CPM: variants seen among roughly 807,000 people sequenced by gnomAD.
The protein encoded by CPM is renal carboxypeptidase.
In CPM, 35 loss-of-function variants were observed where a neutral mutation model predicts 46.4. The observed-to-expected ratio is 0.75, with a 90% CI of 0.58 to 1.00. The LOEUF is 1.00. CPM is among the 50% of genes least tolerant of loss of function. The pLI, the probability that CPM is intolerant of heterozygous loss-of-function variation, is 0.00. For synonymous variants in CPM, 195 were observed against 195.3 expected, an observed-to-expected ratio of 1.00 and a Z score of 0.01; for missense variants, 422 against 530.4, an observed-to-expected ratio of 0.80 and a Z score of 2.01.
At chr12:68,881,588 TA>T (rs1802717957) in intron 3 of CPM, among the ~76,000 whole-genome samples, 1 of 152,180 alleles carries the variant, frequency 6.6e-6, no homozygotes, top group African/African-American at 2.4e-5. Context: ...TCTCTTTTGG[TA>T]AAAGTACATG....
chr12:68,866,630 C>A (rs2136226131), intron 7 of CPM, among the ~76,000 whole-genome samples: 1 of 152,338 alleles, frequency 6.6e-6, no homozygotes, highest in Admixed American at 6.5e-5. Flanking sequence ...AGGCATGAGC[C>A]ACCACGACCA....
chr12:68,890,719 T>C (rs1484544458), intron 2 of CPM, among the ~76,000 whole-genome samples: 1 of 152,370 alleles, frequency 6.6e-6, no homozygotes, highest in East Asian at 1.9e-4. Context: ...CTATGACTGA[T>C]TACAGAACAA....
chr12:68,950,634 T>A (rs1301864411), intron 1 of CPM, among the ~76,000 whole-genome samples: 1 of 152,222 alleles, frequency 6.6e-6, no homozygotes, highest in Non-Finnish European at 1.5e-5. Flanking sequence ...GCTTCTCTGC[T>A]GGCTCACCTG....
intron 2 of CPM, among the ~76,000 whole-genome samples, chr12:68,888,060 C>A (rs1288377130): frequency 6.6e-6 from 1 of 152,172 alleles, no homozygotes; most frequent in African/African-American, 2.4e-5. Flanking sequence ...CATGAGTGAG[C>A]TGTTATACCT....
At chr12:68,932,083 A>G (rs1375372066) in intron 2 of CPM, among the ~76,000 whole-genome samples, 4 of 152,248 alleles carry the variant, frequency 2.6e-5, no homozygotes, top group Non-Finnish European at 5.9e-5. Flanking sequence ...TAATCATAGA[A>G]CCACTTTTTT....
At chr12:68,944,833 T>C (rs576618121) in intron 1 of CPM, among the ~76,000 whole-genome samples, 59 of 152,086 alleles carry the variant, frequency 3.9e-4, no homozygotes, top group African/African-American at 1.4e-3. Flanking sequence ...TAAAGATAGT[T>C]TGGTGGGCGG....
intron 1 of CPM, among the ~76,000 whole-genome samples, chr12:68,948,761 T>C (rs1888887771): frequency 6.6e-6 from 1 of 152,166 alleles, no homozygotes. Context: ...CTGAAATTGC[T>C]CCAGAAGTAA....
rs1400967991 is a variant in CPM at position 68,957,854 on chromosome 12, CT to C, written c.-4+5314del. Among the ~76,000 whole-genome samples, 4 of 151,126 alleles carry C rather than the reference CT, an allele frequency of 2.6e-5. No individual in the cohort carries two copies. The East Asian group carries it at 5.8e-4, about 22-fold the overall frequency. ...TGTCCCTCCCCCAGCCACCCACCCCCTGACAGGCCCCAGTGTGTGATGTTCC... is the reference window on the plus strand; with the variant it reads ...TGTCCCTCCCCCAGCCACCCACCCCCGACAGGCCCCAGTGTGTGATGTTCC... On this transcript the variant is annotated intron_variant, in intron 1 of 8. Coordinates refer to the CPM transcript ENST00000546373.
intron 6 of CPM, among the ~76,000 whole-genome samples, chr12:68,867,761 C>G (rs1292016609): frequency 1.3e-5 from 2 of 152,196 alleles, no homozygotes; most frequent in Non-Finnish European, 2.9e-5. Flanking sequence ...AACGGCCCGG[C>G]CCCCTGTGGA....
In CPM at chr12:68,869,322, C is replaced by T. The variant is rs1885588648; in HGVS notation, c.787+3G>A. ...AGAATGGAAGAAATGAAGAGAAACT[C>T]ACCTTGGAGTGGATACCAAGAGTAT... On this transcript the variant is annotated splice_donor_region_variant and intron_variant, in intron 6 of 8. Coordinates refer to ENST00000551568, the MANE Select transcript of CPM (RefSeq NM_198320.5). The T allele has an allele frequency of 6.2e-7, 1 of 1,609,562 alleles. No individual in the cohort carries two copies. Among genetic ancestry groups the T allele is most frequent in the Admixed American group, 1.7e-5 (1 of 58,240 alleles).
intron 8 of CPM, among the ~76,000 whole-genome samples, chr12:68,857,272 T>C (rs1885021017): frequency 6.6e-6 from 1 of 151,966 alleles, no homozygotes; most frequent in African/African-American, 2.4e-5. Flanking sequence ...GCGATTCTCC[T>C]ACCTCAGCCT....
chr12:68,952,760 G>A (rs1338883257), intron 1 of CPM, among the ~76,000 whole-genome samples: 1 of 152,230 alleles, frequency 6.6e-6, no homozygotes, highest in African/African-American at 2.4e-5. Context: ...GGAAGATGGA[G>A]GACAGGGCAT....
intron 2 of CPM, among the ~76,000 whole-genome samples, chr12:68,925,322 G>A (rs1443010396): frequency 6.6e-6 from 1 of 151,978 alleles, no homozygotes; most frequent in Non-Finnish European, 1.5e-5. Context: ...CTTTTACATA[G>A]CACTTACTAT....
At chr12:68,895,582 T>A (rs1886838698) in intron 2 of CPM, among the ~76,000 whole-genome samples, 1 of 152,220 alleles carries the variant, frequency 6.6e-6, no homozygotes, top group African/African-American at 2.4e-5. Context: ...TTCCCTCTAG[T>A]GAGTGTTCAT....
rs1888563765 is a variant in CPM, at chr12:68,932,757, C to A, written c.81G>T (p.Gly27=). Residue 27 remains glycine, a synonymous_variant, in exon 2 of 9, where the codon GGG becomes GGT. Transcript: ENST00000551568. ...CAACAGTCTTCAAAAACGCTTCCAT[C>A]CCTTCCTGGCGGTGGTAGTTGAAAT... ...ALDFNYHRQE[G]MEAFLKTVAQ... 1 of 1,614,098 alleles carries A rather than the reference C, an allele frequency of 6.2e-7. No homozygotes were observed.
At chr12:68,956,940 T>G (rs1889030020) in intron 1 of CPM, among the ~76,000 whole-genome samples, 1 of 152,164 alleles carries the variant, frequency 6.6e-6, no homozygotes, top group Non-Finnish European at 1.5e-5. Context: ...ACCCCTTTAT[T>G]GGTTCCAGAA....
intron 2 of CPM, among the ~76,000 whole-genome samples, chr12:68,909,184 A>G (rs1409852478): frequency 6.6e-6 from 1 of 152,206 alleles, no homozygotes; most frequent in Non-Finnish European, 1.5e-5. Flanking sequence ...CTGGAATGAC[A>G]GGAATGCACC....
At chr12:68,909,647 T>C (rs1408034269) in intron 2 of CPM, among the ~76,000 whole-genome samples, 1 of 152,112 alleles carries the variant, frequency 6.6e-6, no homozygotes, top group Non-Finnish European at 1.5e-5. Flanking sequence ...CATGGAATAC[T>C]ATTCAGCCAT....
At chr12:68,868,683 A>C (rs2136228710) in intron 6 of CPM, among the ~76,000 whole-genome samples, 1 of 152,208 alleles carries the variant, frequency 6.6e-6, no homozygotes, top group Admixed American at 6.5e-5. Flanking sequence ...AAGATTGGAG[A>C]ACTGGGGGCC....
Sources: allele counts gnomAD v4.1 joint callset (sites outside exome capture counted in the v4.1 genomes callset), GRCh38; gene constraint gnomAD v4.1.1; transcripts MANE v1.5; gene names NCBI Gene and HGNC (gene_info 2026-07-23, HGNC 2026-07-21).